PTPRK: variants seen among roughly 807,000 people sequenced by gnomAD.
PTPRK encodes protein tyrosine phosphatase receptor type K, also known as receptor-type tyrosine-protein phosphatase kappa.
A neutral mutation model predicts 178.0 loss-of-function variants in PTPRK; 75 were observed. The observed-to-expected ratio is 0.42, with a 90% confidence interval of 0.35 to 0.51. PTPRK has a LOEUF of 0.51. Ranked by LOEUF, PTPRK falls within the 20% of genes least tolerant of loss-of-function variation. The pLI is 0.02. For missense variants in PTPRK, 1,441 were observed against 1,797.8 expected (o/e 0.80, Z 3.59); for synonymous variants, 637 against 620.6 (o/e 1.03, Z -0.39).
intron 1 of PTPRK, among the ~76,000 whole-genome samples, chr6:128,494,149 T>A (rs1259132507): frequency 1.4e-5 from 2 of 146,968 alleles, no homozygotes; most frequent in South Asian, 2.1e-4. Context: ...TGACCTCAAC[T>A]GTGAACAGCC....
At chr6:128,518,242 T>C (rs938482233) in intron 1 of PTPRK, among the ~76,000 whole-genome samples, 9 of 152,202 alleles carry the variant, frequency 5.9e-5, no homozygotes, top group African/African-American at 2.2e-4. Context: ...TCAAATGTTA[T>C]GCTTTGTCAC....
intron 2 of PTPRK, among the ~76,000 whole-genome samples, chr6:128,384,385 A>T (rs1050317734): frequency 5.3e-5 from 8 of 150,424 alleles, no homozygotes; most frequent in Non-Finnish European, 1.2e-4. Context: ...CAATATTTCT[A>T]TTTTTTTTTT....
At chr6:128,007,573 T>C (rs1252515162) in intron 14 of PTPRK, among the ~76,000 whole-genome samples, 1 of 151,004 alleles carries the variant, frequency 6.6e-6, no homozygotes, top group Non-Finnish European at 1.5e-5. Context: ...GTGATGGTTT[T>C]AGCATACTTT....
In PTPRK at chr6:128,401,473, C is replaced by T. The variant is rs181769985; in HGVS notation, c.101-3785G>A. ...CTGTAGAATCAGGAAAAAATGAATA[C>T]TAAATTTAAGTCCTTTCTGAAGTCA... On this transcript the variant is annotated intron_variant, in intron 1 of 29. Transcript: ENST00000368226. Among the ~76,000 whole-genome samples, 6 of 152,198 alleles carry T rather than the reference C, an allele frequency of 3.9e-5. No homozygotes were observed. The East Asian group carries it at 1.2e-3, about 29-fold the overall frequency.
chr6:128,352,877 A>G (rs975560705), intron 2 of PTPRK, among the ~76,000 whole-genome samples: 1 of 152,226 alleles, frequency 6.6e-6, no homozygotes, highest in Non-Finnish European at 1.5e-5. Context: ...AATAAGTAAT[A>G]AAATAGTTTG....
At chr6:128,298,110 C>A (rs1416484213) in intron 3 of PTPRK, among the ~76,000 whole-genome samples, 1 of 152,130 alleles carries the variant, frequency 6.6e-6, no homozygotes, top group Non-Finnish European at 1.5e-5. Context: ...CACCTCTAAG[C>A]AAATAAACTA....
At chr6:128,248,479 A>G (rs1815871343) in intron 3 of PTPRK, among the ~76,000 whole-genome samples, 1 of 152,170 alleles carries the variant, frequency 6.6e-6, no homozygotes, top group African/African-American at 2.4e-5. Flanking sequence ...AAAAAAATAT[A>G]TTTAAGTATA....
intron 1 of PTPRK, among the ~76,000 whole-genome samples, chr6:128,440,447 T>C (rs1846134017): frequency 6.6e-6 from 1 of 152,200 alleles, no homozygotes; most frequent in African/African-American, 2.4e-5. Flanking sequence ...CATGCTAAAG[T>C]ATGATTTTTA....
intron 3 of PTPRK, among the ~76,000 whole-genome samples, chr6:128,263,200 C>T (rs1818440878): frequency 6.6e-6 from 1 of 152,106 alleles, no homozygotes; most frequent in Admixed American, 6.6e-5. Flanking sequence ...ATAAATGCTT[C>T]ATGACAGAGT....
At chr6:128,112,419 C>G (rs1790827317) in intron 7 of PTPRK, among the ~76,000 whole-genome samples, 1 of 151,974 alleles carries the variant, frequency 6.6e-6, no homozygotes, top group Non-Finnish European at 1.5e-5. Context: ...ATCATCAGTA[C>G]TTTTTATGTT....
At chr6:128,073,197 T>G (rs1783145815) in intron 11 of PTPRK, among the ~76,000 whole-genome samples, 1 of 152,232 alleles carries the variant, frequency 6.6e-6, no homozygotes, top group African/African-American at 2.4e-5. Flanking sequence ...AAATATTTAT[T>G]GAGTATCTGT....
intron 5 of PTPRK, among the ~76,000 whole-genome samples, chr6:128,236,247 C>T (rs772465728): frequency 2.8e-4 from 42 of 151,218 alleles, no homozygotes; most frequent in East Asian, 1.6e-3. Flanking sequence ...CCAAAAAATG[C>T]GTTTATATCC....
intron 7 of PTPRK, among the ~76,000 whole-genome samples, chr6:128,169,924 T>G (rs1002757772): frequency 6.6e-6 from 1 of 151,938 alleles, no homozygotes; most frequent in Non-Finnish European, 1.5e-5. Flanking sequence ...AGTTTACTTT[T>G]TATTTGAAAA....
Position 128,219,120 on chromosome 6 carries a change from A to C in PTPRK, c.694-24T>G, listed in dbSNP as rs1809906906. On this transcript the variant is annotated intron_variant, in intron 5 of 29. Coordinates refer to ENST00000368226, the MANE Select transcript of PTPRK (RefSeq NM_002844.4). ...CTCTGCAAACAGAAACCAATCTTTA[A>C]AAACAGGTTCTTACTATTTTCATAA... 3 of 1,580,166 alleles carry C rather than the reference A, an allele frequency of 1.9e-6. No homozygotes were observed. In the East Asian group the frequency reaches 6.8e-5, roughly 36 times the overall value.
At chr6:127,996,154 G>A (rs556764673) in intron 17 of PTPRK, among the ~76,000 whole-genome samples, 165 of 152,178 alleles carry the variant, frequency 1.1e-3, no homozygotes, top group Non-Finnish European at 2.1e-3. Context: ...TACTCAGGAG[G>A]AAGTCCCTAA....
chr6:128,316,709 C>CTTT (rs11296650), intron 3 of PTPRK, among the ~76,000 whole-genome samples: 7 of 133,480 alleles, frequency 5.2e-5, no homozygotes, highest in African/African-American at 1.9e-4. Context: ...TAAGCTTTTT[C>CTTT]TTTTTTTTTT....
chr6:128,232,612 A>C (rs777463744), intron 5 of PTPRK, among the ~76,000 whole-genome samples: 1 of 152,214 alleles, frequency 6.6e-6, no homozygotes, highest in African/African-American at 2.4e-5. Context: ...TTTAGGATCT[A>C]TAAGGAGGAA....
At chr6:128,477,131 A>G (rs1046660756) in intron 1 of PTPRK, among the ~76,000 whole-genome samples, 1 of 152,124 alleles carries the variant, frequency 6.6e-6, no homozygotes, top group African/African-American at 2.4e-5. Context: ...AAAAAGTAAC[A>G]AATTTGTGGC....
chr6:127,973,359 G>A (rs760535477), intron 28 of PTPRK, among the ~76,000 whole-genome samples: 7 of 152,200 alleles, frequency 4.6e-5, no homozygotes, highest in Non-Finnish European at 7.3e-5. Context: ...TCAGGAAAAT[G>A]CTATAGGCAT....
Sources: gnomAD v4.1 joint callset for allele counts (sites outside exome capture counted in the v4.1 genomes callset) on GRCh38, gnomAD v4.1.1 for gene constraint, MANE v1.5 for transcripts, NCBI Gene and HGNC (gene_info 2026-07-23, HGNC 2026-07-21) for gene names.